Variants in FGGY observed in about 807,000 individuals in gnomAD.
The protein encoded by FGGY is FGGY carbohydrate kinase domain-containing protein.
In FGGY, 72 loss-of-function variants were observed where a neutral mutation model predicts 71.3. The observed-to-expected ratio is 1.01, with a 90% CI of 0.84 to 1.23. The LOEUF is 1.23. FGGY is among the 50% of genes most tolerant of loss of function. The pLI is 0.00. For missense variants in FGGY, 668 were observed against 682.3 expected (o/e 0.98, Z 0.23); for synonymous variants, 251 against 250.3 (o/e 1.00, Z -0.02).
chr1:59,574,514 T>C (rs1249480976), intron 8 of FGGY, among the ~76,000 whole-genome samples: 2 of 152,144 alleles, frequency 1.3e-5, no homozygotes, highest in African/African-American at 2.4e-5. Flanking sequence ...AACATGGTGA[T>C]CTTTTCAGGA....
At chr1:59,568,772 C>T (rs1485150565) in intron 8 of FGGY, among the ~76,000 whole-genome samples, 1 of 152,072 alleles carries the variant, frequency 6.6e-6, no homozygotes, top group Admixed American at 6.6e-5. Context: ...TCTGTCTTTC[C>T]CATGAGCCTA....
intron 10 of FGGY, among the ~76,000 whole-genome samples, chr1:59,629,925 C>T (rs955427633): frequency 6.6e-6 from 1 of 152,112 alleles, no homozygotes; most frequent in Admixed American, 6.5e-5. Flanking sequence ...ATCACTACTA[C>T]TCTGTTAGTC....
At chr1:59,731,532 T>C (rs1033349527) in intron 14 of FGGY, among the ~76,000 whole-genome samples, 1 of 151,852 alleles carries the variant, frequency 6.6e-6, no homozygotes, top group African/African-American at 2.4e-5. Flanking sequence ...TTGTAGGGGG[T>C]TGGGTGATTA....
chr1:59,534,588 A>T (rs928848823), intron 7 of FGGY, among the ~76,000 whole-genome samples: 34 of 152,184 alleles, frequency 2.2e-4, no homozygotes, highest in African/African-American at 6.8e-4. Context: ...AGAGAAAGGT[A>T]GGGTTATCCT....
rs566226095 is a variant in FGGY at position 59,392,453 on chromosome 1, A to G, written c.554+13616A>G. 1.2e-4 allele frequency among the ~76,000 whole-genome samples: 19 copies of G among 152,218 alleles called. No individual in the cohort carries two copies. The South Asian group carries it at 3.7e-3, about 30-fold the overall frequency. ...ACTTGGGGCCCCTGGCACCCATATC[A>G]GACTTTTCTCATCTGCAAAATGTGC... On this transcript the variant is annotated intron_variant, in intron 5 of 15. Transcript: ENST00000303721.
chr1:59,360,889 C>A (rs1293272472), intron 4 of FGGY, among the ~76,000 whole-genome samples: 1 of 152,102 alleles, frequency 6.6e-6, no homozygotes, highest in Non-Finnish European at 1.5e-5. Flanking sequence ...GAGACACTTA[C>A]CTCATGCAGC....
At chr1:59,593,196 A>G (rs1025416974) in intron 8 of FGGY, among the ~76,000 whole-genome samples, 1 of 152,250 alleles carries the variant, frequency 6.6e-6, no homozygotes, top group African/African-American at 2.4e-5. Flanking sequence ...GAATCAAAAC[A>G]GAAATGAACC....
chr1:59,320,635 G>T (rs1177037145), intron 1 of FGGY, among the ~76,000 whole-genome samples: 1 of 152,228 alleles, frequency 6.6e-6, no homozygotes, highest in Non-Finnish European at 1.5e-5. Flanking sequence ...CTCACAAGGG[G>T]TCTGTAAGGA....
chr1:59,323,097 A>G (rs2046694550), intron 2 of FGGY, among the ~76,000 whole-genome samples: 1 of 152,048 alleles, frequency 6.6e-6, no homozygotes, highest in African/African-American at 2.4e-5. Context: ...TTGCCCATTT[A>G]ATTTTCCTCT....
chr1:59,337,217 A>AATAAGTC (rs1340781569), intron 2 of FGGY, among the ~76,000 whole-genome samples: 1 of 152,026 alleles, frequency 6.6e-6, no homozygotes, highest in African/African-American at 2.4e-5. Context: ...TGCAGTCCTG[A>AATAAGTC]ATAAGTCTGA....
Position 59,491,171 on chromosome 1 carries a change from C to T in FGGY, c.671-21140C>T, listed in dbSNP as rs372389449. Among the ~76,000 whole-genome samples the T allele has an allele frequency of 1.1e-3, 143 of 132,716 alleles. 2 individuals carry two copies. In the East Asian group the frequency reaches 0.019, roughly 18 times the overall value. 87.1% of individuals were successfully genotyped at this position (132,716 alleles called of 152,430 possible). A position where few individuals can be genotyped will look rare whatever the true frequency, so the allele number is the denominator to read the frequency against. On this transcript the variant is annotated intron_variant, in intron 6 of 15. Coordinates refer to ENST00000303721, the MANE Select transcript of FGGY (RefSeq NM_018291.5). ...TCTCTCTTTCTCTCTTTTTTTCTTT[C>T]TTCTTTCTTTTTTGCTTAATATTGC... is the stretch of plus-strand genomic sequence containing the variant.
intron 14 of FGGY, among the ~76,000 whole-genome samples, chr1:59,741,584 G>T (rs981427536): frequency 5.3e-5 from 8 of 151,866 alleles, no homozygotes; most frequent in African/African-American, 1.9e-4. Context: ...CAGGAAGATT[G>T]CTTGAGGCCA....
intron 11 of FGGY, among the ~76,000 whole-genome samples, chr1:59,641,818 A>G (rs1051698612): frequency 1.3e-5 from 2 of 152,194 alleles, no homozygotes; most frequent in Non-Finnish European, 2.9e-5. Flanking sequence ...GAACAAAGTC[A>G]TGTGTGATCC....
intron 5 of FGGY, among the ~76,000 whole-genome samples, chr1:59,405,119 G>A (rs1036698227): frequency 6.6e-6 from 1 of 152,124 alleles, no homozygotes; most frequent in South Asian, 2.1e-4. Flanking sequence ...TTGAATCAAA[G>A]GCATTCCGCA....
At chr1:59,547,829 A>G (rs959511164) in intron 7 of FGGY, among the ~76,000 whole-genome samples, 2 of 152,230 alleles carry the variant, frequency 1.3e-5, no homozygotes, top group Non-Finnish European at 2.9e-5. Flanking sequence ...GTCCGTGATT[A>G]AATGTGCTAT....
intron 4 of FGGY, among the ~76,000 whole-genome samples, chr1:59,373,716 T>C (rs373376542): frequency 2.6e-5 from 4 of 151,942 alleles, no homozygotes; most frequent in Non-Finnish European, 5.9e-5. Context: ...GAGATATAGA[T>C]CAATGGAACA....
At chr1:59,492,788 C>G (rs376215904) in intron 6 of FGGY, among the ~76,000 whole-genome samples, 7 of 151,982 alleles carry the variant, frequency 4.6e-5, no homozygotes, top group African/African-American at 1.7e-4. Context: ...AGGCTTTCAG[C>G]CAGTTTTACT....
At chr1:59,485,237 G>C (rs2093623114) in intron 6 of FGGY, among the ~76,000 whole-genome samples, 1 of 152,206 alleles carries the variant, frequency 6.6e-6, no homozygotes, top group Admixed American at 6.5e-5. Flanking sequence ...ACAAAACTTA[G>C]GCTTTTAGGG....
In FGGY at chr1:59,480,123, A is replaced by T. The variant is rs998704126; in HGVS notation, c.670+23047A>T. On this transcript the variant is annotated intron_variant, in intron 6 of 15. Coordinates refer to ENST00000303721, the MANE Select transcript of FGGY (RefSeq NM_018291.5). ...CATTGAATGGAAACTTGCCTTTTTCAGTCCATCCTGAACACTGCAGCCAGC... is the reference window on the plus strand; with the variant it reads ...CATTGAATGGAAACTTGCCTTTTTCTGTCCATCCTGAACACTGCAGCCAGC... Among the ~76,000 whole-genome samples the T allele has an allele frequency of 2.6e-5, 4 of 152,204 alleles. No homozygotes were observed. In the South Asian group the frequency reaches 8.3e-4, roughly 32 times the overall value.
Sources: allele counts gnomAD v4.1 joint callset (sites outside exome capture counted in the v4.1 genomes callset), GRCh38; gene constraint gnomAD v4.1.1; transcripts MANE v1.5; gene names NCBI Gene and HGNC (gene_info 2026-07-23, HGNC 2026-07-21).